SYT13: variants seen among roughly 807,000 people sequenced by gnomAD.
SYT13 encodes the protein synaptotagmin-13.
A neutral mutation model predicts 38.6 loss-of-function variants in SYT13; 21 were observed. The observed-to-expected ratio is 0.54, with a 90% confidence interval of 0.39 to 0.78. SYT13 has a LOEUF of 0.78. Ranked by LOEUF, SYT13 falls within the 30% of genes least tolerant of loss-of-function variation. The probability of loss-of-function intolerance (pLI) is 0.00; values close to 1 mark genes in which losing one functional copy is unlikely to be tolerated. For missense variants in SYT13, 495 were observed against 548.7 expected, an observed-to-expected ratio of 0.90 and a Z score of 0.98; for synonymous variants, 241 against 237.6, an observed-to-expected ratio of 1.01 and a Z score of -0.13.
rs745716503 is a variant in SYT13, at chr11:45,285,892, G to C, written c.183+133C>G. On this transcript the variant is annotated intron_variant, in intron 1 of 5. Transcript: ENST00000020926. ...TTGACTCCTTGACCTGTCCTCCAACGCGTCTGCTGTCCCCTCCCCGCCAAG... is the reference window on the plus strand; with the variant it reads ...TTGACTCCTTGACCTGTCCTCCAACCCGTCTGCTGTCCCCTCCCCGCCAAG... 3.3e-6 allele frequency: 3 copies of C among 905,346 alleles called. No individual in the cohort carries two copies. In the South Asian group the frequency reaches 4.2e-5, roughly 13 times the overall value. 56.1% of individuals were successfully genotyped at this position (905,346 alleles called of 1,614,324 possible). A position where few individuals can be genotyped will look rare whatever the true frequency, so the allele number is the denominator to read the frequency against.
chr11:45,251,258 G>A (rs370877139), intron 4 of SYT13, among the ~76,000 whole-genome samples: 5 of 151,646 alleles, frequency 3.3e-5, no homozygotes, highest in African/African-American at 7.3e-5. Flanking sequence ...GCGTGGTGGC[G>A]TGTGGCTGTA....
Position 45,286,037 on chromosome 11 carries a change from C to A in SYT13, c.171G>T (p.Gly57=), listed in dbSNP as rs756650140. 6.2e-7 allele frequency: 1 copy of A among 1,608,298 alleles called. No homozygotes were observed. Among genetic ancestry groups the A allele is most frequent in the Non-Finnish European group, 8.5e-7 (1 of 1,179,578 alleles). ...CGCCCCCGCTCACCTGTTGTGCAGA[C>A]CCGAGCAAGCTGGGCTTCGCCTTCT... ...DLEKAKPSLL[G]SAQQFNVKKS... is the part of the protein sequence containing the mutation. The change falls in exon 1 of 6, where the codon GGG becomes GGT. Residue 57 remains glycine, a synonymous_variant. Transcript: ENST00000020926.
chr11:45,247,673 GGGTTGAAATC>G (rs1854629529), intron 4 of SYT13, among the ~76,000 whole-genome samples: 1 of 152,286 alleles, frequency 6.6e-6, no homozygotes, highest in African/African-American at 2.4e-5. Context: ...GCACTCAGAA[GGGTTGAAATC>G]GGTTTTTCTT....
intron 1 of SYT13, among the ~76,000 whole-genome samples, chr11:45,275,644 T>C (rs935861345): frequency 2.0e-5 from 3 of 152,158 alleles, no homozygotes; most frequent in Non-Finnish European, 2.9e-5. Flanking sequence ...CTTTATCTAA[T>C]GAATTGGGAC....
At chr11:45,247,347 C>T (rs1358788961) in intron 4 of SYT13, among the ~76,000 whole-genome samples, 1 of 152,184 alleles carries the variant, frequency 6.6e-6, no homozygotes, top group Non-Finnish European at 1.5e-5. Flanking sequence ...GGTCAGAAGT[C>T]TCCTCTGTTG....
intron 5 of SYT13, among the ~76,000 whole-genome samples, chr11:45,245,881 G>A (rs1854608346): frequency 6.6e-6 from 1 of 152,234 alleles, no homozygotes; most frequent in South Asian, 2.1e-4. Context: ...AGGCTGAGAA[G>A]AGAGAAGAGA....
rs1166698681 is a variant in SYT13, at chr11:45,286,105, G to A, written c.103C>T (p.Pro35Ser). The change falls in exon 1 of 6, where the codon CCC becomes TCC. Residue 35 changes from proline to serine, a missense_variant. Coordinates refer to ENST00000020926, the MANE Select transcript of SYT13 (RefSeq NM_020826.3). ...GVTCLCRHMH[P>S]KKGLLPRDQD... Reference sequence around the variant, plus strand: ...TCCCGCGGCAGCAGCCCCTTCTTGGGGTGCATGTGCCGACACAGGCAGGTG... The same window carrying A: ...TCCCGCGGCAGCAGCCCCTTCTTGGAGTGCATGTGCCGACACAGGCAGGTG... 1 of 1,604,820 alleles carries A rather than the reference G, an allele frequency of 6.2e-7. No individual in the cohort carries two copies. The highest frequency in any genetic ancestry group is 1.3e-5 in the African/African-American group (1 of 75,036).
intron 4 of SYT13, among the ~76,000 whole-genome samples, chr11:45,247,081 C>T (rs1353557800): frequency 6.6e-6 from 1 of 152,236 alleles, no homozygotes; most frequent in Non-Finnish European, 1.5e-5. Flanking sequence ...CCAGAGGCAA[C>T]TGGCAATAAC....
intron 1 of SYT13, among the ~76,000 whole-genome samples, chr11:45,276,390 C>G (rs998622959): frequency 2.0e-5 from 3 of 152,118 alleles, no homozygotes; most frequent in East Asian, 1.9e-4. Flanking sequence ...AATGAGAACA[C>G]ATGGACACAG....
At chr11:45,279,586 CA>C (rs1565398355) in intron 1 of SYT13, among the ~76,000 whole-genome samples, 1 of 152,002 alleles carries the variant, frequency 6.6e-6, no homozygotes, top group Non-Finnish European at 1.5e-5. Flanking sequence ...GACTGTGTCT[CA>C]AAAAACATTT....
chr11:45,266,412 T>C (rs1854881755), intron 1 of SYT13, among the ~76,000 whole-genome samples: 1 of 152,186 alleles, frequency 6.6e-6, no homozygotes, highest in Non-Finnish European at 1.5e-5. Flanking sequence ...AGTATTAAAA[T>C]GTTTTAAATT....
chr11:45,243,024 T>C lies in SYT13; in HGVS notation c.*1028A>G, dbSNP rs956488610. The C allele has an allele frequency of 6.6e-6, 1 of 152,158 alleles. No individual in the cohort carries two copies. Among genetic ancestry groups the C allele is most frequent in the Non-Finnish European group, 1.5e-5 (1 of 68,036 alleles). The allele number at this position is 152,158 out of a possible 1,614,324, so 9.4% of individuals were successfully genotyped here. A position where few individuals can be genotyped will look rare whatever the true frequency, so the allele number is the denominator to read the frequency against. ...GTCATAGACTAAGTCAATAACTAAA[T>C]TCCTCCTGAAGTGACTGGAACGCTG... On this transcript the variant is annotated 3_prime_UTR_variant, in exon 6 of 6. Coordinates refer to ENST00000020926, the MANE Select transcript of SYT13 (RefSeq NM_020826.3).
intron 1 of SYT13, among the ~76,000 whole-genome samples, chr11:45,277,769 A>G (rs1855027152): frequency 6.6e-6 from 1 of 152,208 alleles, no homozygotes; most frequent in Non-Finnish European, 1.5e-5. Flanking sequence ...GAAAGCTTTC[A>G]TCTTGTAAGG....
chr11:45,256,892 C>A (rs1854754461), intron 1 of SYT13, among the ~76,000 whole-genome samples: 1 of 152,202 alleles, frequency 6.6e-6, no homozygotes, highest in African/African-American at 2.4e-5. Context: ...ATCAATTTCC[C>A]TTTGCACCTC....
At chr11:45,270,535 A>C (rs1383574548) in intron 1 of SYT13, among the ~76,000 whole-genome samples, 1 of 152,234 alleles carries the variant, frequency 6.6e-6, no homozygotes, top group Non-Finnish European at 1.5e-5. Context: ...TATTATAAAT[A>C]ATAAAGTACA....
At chr11:45,269,360 AC>A (rs1458163272) in intron 1 of SYT13, 2 of 917,330 alleles carry the variant, frequency 2.2e-6, no homozygotes, top group Admixed American at 1.0e-4. Flanking sequence ...AAACAAACAA[AC>A]AAAAAACTCC....
Position 45,278,871 on chromosome 11 carries a change from T to C in SYT13, c.183+7154A>G, listed in dbSNP as rs1308036230. 2.0e-5 allele frequency among the ~76,000 whole-genome samples: 3 copies of C among 152,236 alleles called. No homozygotes were observed. In the East Asian group the frequency reaches 5.8e-4, roughly 29 times the overall value. ...GAAAGAATCTATGCTAATTTCTTGA[T>C]GAAAAATTCATACTGTCTTCCACGT... On this transcript the variant is annotated intron_variant, in intron 1 of 5. Transcript: ENST00000020926.
chr11:45,252,905 G>C lies in SYT13; in HGVS notation c.545-183C>G, dbSNP rs1266102802. On this transcript the variant is annotated intron_variant, in intron 3 of 5. Coordinates refer to ENST00000020926, the MANE Select transcript of SYT13 (RefSeq NM_020826.3). The surrounding 1 kb of genome is among the most constrained non-coding windows in gnomAD (Gnocchi z 4.3). The stretch of plus-strand genomic sequence containing the variant: ...TGAGACATTTAGAAATAGATCATTT[G>C]AGGGGGCTGGCCTCAGCACATGCCG... Among the ~76,000 whole-genome samples the C allele has an allele frequency of 6.6e-6, 1 of 152,184 alleles. No individual in the cohort carries two copies. The highest frequency in any genetic ancestry group is 6.5e-5 in the Admixed American group (1 of 15,294).
intron 2 of SYT13, 125 bp downstream of exon 2, chr11:45,255,541 C>G: frequency 1.1e-6 from 1 of 882,484 alleles, no homozygotes; most frequent in Non-Finnish European, 1.7e-6. Context: ...TGCCCATCTG[C>G]TTGGCCAGCG....
Sources: gnomAD v4.1 joint callset for allele counts (sites outside exome capture counted in the v4.1 genomes callset) on GRCh38, gnomAD v4.1.1 for gene constraint, Gnocchi (gnomAD v3.1) non-coding constraint, MANE v1.5 for transcripts, NCBI Gene and HGNC (gene_info 2026-07-23, HGNC 2026-07-21) for gene names.